Variants in EHF observed in about 807,000 individuals in gnomAD.
The protein encoded by EHF is ESE3 transcription factor.
A neutral mutation model predicts 45.1 loss-of-function variants in EHF; 14 were observed. That is an observed-to-expected ratio of 0.31 (90% CI 0.21 to 0.49). The LOEUF is 0.49. EHF is among the 20% of genes least tolerant of loss of function. The pLI is 0.99. For missense variants in EHF, 282 were observed against 371.4 expected, an observed-to-expected ratio of 0.76 and a Z score of 1.98; for synonymous variants, 136 against 131.8, an observed-to-expected ratio of 1.03 and a Z score of -0.22.
At chr11:34,632,611 G>A in intron 1 of EHF, 1 of 1,531,994 alleles carries the variant, frequency 6.5e-7, no homozygotes, top group Non-Finnish European at 8.7e-7. Flanking sequence ...GGAGAGAAGA[G>A]GATTGGTCCT....
intron 1 of EHF, among the ~76,000 whole-genome samples, chr11:34,624,630 T>G (rs962084717): frequency 6.6e-6 from 1 of 152,208 alleles, no homozygotes; most frequent in East Asian, 1.9e-4. Flanking sequence ...TCACCACAGC[T>G]ATTCTTAGGG....
chr11:34,624,447 A>G, intron 1 of EHF: 1 of 304,798 alleles, frequency 3.3e-6, no homozygotes, highest in Non-Finnish European at 4.8e-6. Context: ...ACTTTATTTG[A>G]CATTTTTCAT....
At chr11:34,646,842 G>A (rs2134142472) in intron 3 of EHF, 158 bp downstream of exon 3, 1 of 967,264 alleles carries the variant, frequency 1.0e-6, no homozygotes, top group Non-Finnish European at 1.5e-6. Context: ...GAAGATGAAA[G>A]GACAGGATTG....
In EHF at chr11:34,651,715, C is replaced by T. The variant is rs199508248; in HGVS notation, c.476-22C>T. 45 of 1,613,682 alleles carry T rather than the reference C, an allele frequency of 2.8e-5. No homozygotes were observed. The East Asian group carries it at 9.6e-4, about 34-fold the overall frequency. ...GGGGGGAGGGGGTGCTCTAAATGTC[C>T]TTTATCTTTTCATGGCCACAGATTT... On this transcript the variant is annotated intron_variant, in intron 5 of 8. Coordinates refer to ENST00000257831, the MANE Select transcript of EHF (RefSeq NM_012153.6).
rs117328031 is a variant in EHF at position 34,662,644 on chromosome 11, T to C, written c.*3713T>C. Among the ~76,000 whole-genome samples the C allele has an allele frequency of 1.4e-4, 22 of 152,284 alleles. No homozygotes were observed. The East Asian group carries it at 4.2e-3, about 29-fold the overall frequency. On this transcript the variant is annotated 3_prime_UTR_variant, in exon 9 of 9. Transcript: ENST00000257831. ...AAAGTTAGTAATGCATGTTAGATTT[T>C]AGTTTTGCAAGCATGTTGTTTTTCA...
At chr11:34,656,772 G>C in intron 6 of EHF, 136 bp from the exon 7 acceptor site, 1 of 897,062 alleles carries the variant, frequency 1.1e-6, no homozygotes, top group South Asian at 1.8e-5. Flanking sequence ...GTTTTGTTTG[G>C]TTCACTAGCA....
intron 2 of EHF, among the ~76,000 whole-genome samples, chr11:34,643,614 T>C (rs554032244): frequency 6.6e-6 from 1 of 152,332 alleles, no homozygotes; most frequent in Admixed American, 6.5e-5. Context: ...TGCTAATCCA[T>C]GTGGAGCTCC....
intron 1 of EHF, among the ~76,000 whole-genome samples, chr11:34,625,862 CT>C (rs917975309): frequency 5.3e-5 from 8 of 151,476 alleles, no homozygotes; most frequent in East Asian, 1.9e-4. Flanking sequence ...TTCCTCCCTT[CT>C]TTTTTTTTGT....
chr11:34,654,140 C>T (rs948395884), intron 6 of EHF, among the ~76,000 whole-genome samples: 1 of 152,252 alleles, frequency 6.6e-6, no homozygotes, highest in Non-Finnish European at 1.5e-5. Flanking sequence ...CTAATCTTTG[C>T]TTCTTGCGAA....
At chr11:34,626,513 C>G (rs941706653) in intron 1 of EHF, among the ~76,000 whole-genome samples, 16 of 152,176 alleles carry the variant, frequency 1.1e-4, no homozygotes, top group African/African-American at 3.9e-4. Flanking sequence ...ATGATTTCAT[C>G]TAGTCAGCCT....
chr11:34,621,270 A>G (rs1457380688), intron 1 of EHF, 42 bp downstream of exon 1: 3 of 152,224 alleles, frequency 2.0e-5, no homozygotes, highest in Non-Finnish European at 4.4e-5. Context: ...TCTGGAATCC[A>G]AACACTTGAG....
Position 34,649,668 on chromosome 11 carries a change from C to T in EHF, c.406+587C>T, listed in dbSNP as rs1006256896. Among the ~76,000 whole-genome samples the T allele has an allele frequency of 7.9e-5, 12 of 152,292 alleles. No homozygotes were observed. The East Asian group carries it at 2.3e-3, about 29-fold the overall frequency. ...AGAGTCTACAGTCCCATAGCATCTA[C>T]ATTCATTTTCGTTTCCTTTCCCCTG... On this transcript the variant is annotated intron_variant, in intron 4 of 8. Transcript: ENST00000257831.
At chr11:34,643,534 G>T (rs1854230264) in intron 2 of EHF, among the ~76,000 whole-genome samples, 1 of 152,216 alleles carries the variant, frequency 6.6e-6, no homozygotes, top group African/African-American at 2.4e-5. Flanking sequence ...TATGGAGATG[G>T]TTTGTTGGTG....
At position 34,659,198 on chromosome 11, in the gene EHF, C is replaced by T; in HGVS notation, c.*267C>T. 3.3e-6 allele frequency: 1 copy of T among 299,530 alleles called. No homozygotes were observed. Among genetic ancestry groups the T allele is most frequent in the Non-Finnish European group, 6.1e-6 (1 of 163,300 alleles). 18.6% of individuals were successfully genotyped at this position (299,530 alleles called of 1,614,324 possible). On this transcript the variant is annotated 3_prime_UTR_variant, in exon 9 of 9. Coordinates refer to ENST00000257831, the MANE Select transcript of EHF (RefSeq NM_012153.6). The stretch of plus-strand genomic sequence containing the variant: ...GTATGTGGTTGTGATTTTTTTTCAC[C>T]TCTATTGTGAATTCTTTTTCACTGC...
intron 1 of EHF, chr11:34,622,166 CTTGT>C (rs1169954361): frequency 4.5e-6 from 1 of 222,754 alleles, no homozygotes; most frequent in Non-Finnish European, 9.0e-6. Flanking sequence ...AAATTAACTT[CTTGT>C]TGGTAAATAT....
intron 1 of EHF, among the ~76,000 whole-genome samples, chr11:34,623,482 C>G (rs899387649): frequency 6.6e-6 from 1 of 152,188 alleles, no homozygotes. Context: ...CATTCCCACT[C>G]GCGATTCCAT....
chr11:34,640,190 C>G (rs906885775), intron 1 of EHF, among the ~76,000 whole-genome samples: 13 of 152,098 alleles, frequency 8.5e-5, no homozygotes, highest in Admixed American at 1.3e-4. Context: ...CCACAGTAAG[C>G]AGGGGAACTG....
Position 34,658,593 on chromosome 11 carries a change from A to T in EHF, c.668A>T (p.Asn223Ile). 1 of 1,613,760 alleles carries T rather than the reference A, an allele frequency of 6.2e-7. No individual in the cohort carries two copies. The highest frequency in any genetic ancestry group is 8.5e-7 in the Non-Finnish European group (1 of 1,179,750). ...GACATCCTCTTGAACCCAGACAAGA[A>T]CCCAGGATTAATAAAATGGGAAGAC... Reference protein sequence around the residue: ...IRDILLNPDKNPGLIKWEDRS... With the variant: ...IRDILLNPDKIPGLIKWEDRS... Residue 223 changes from asparagine (N) to isoleucine (I), a missense_variant, in exon 8 of 9, where the codon AAC becomes ATC. By Grantham distance (149) the Asn-to-Ile change is moderately radical. Transcript: ENST00000257831.
intron 5 of EHF, 42 bp downstream of exon 5, chr11:34,651,652 T>A: frequency 7.5e-6 from 12 of 1,606,932 alleles, no homozygotes; most frequent in Non-Finnish European, 1.0e-5. Context: ...ACATTCTTAT[T>A]CAGTTTGTCT....
Sources: gnomAD v4.1 joint callset for allele counts (sites outside exome capture counted in the v4.1 genomes callset) on GRCh38, gnomAD v4.1.1 for gene constraint, MANE v1.5 for transcripts, NCBI Gene and HGNC (gene_info 2026-07-23, HGNC 2026-07-21) for gene names.